The following RBCK1 variants were observed in gnomAD, a reference collection of about 807,000 sequenced individuals.
The protein encoded by RBCK1 is RANBP2-type and C3HC4-type zinc finger containing 1.
In RBCK1, 44 loss-of-function variants were observed where a neutral mutation model predicts 71.1. The observed-to-expected ratio is 0.62, with a 90% CI of 0.49 to 0.80. The LOEUF (loss-of-function observed/expected upper bound fraction) is 0.80, where lower values mean the gene tolerates loss of function less well. Ranked by LOEUF, RBCK1 falls within the 30% of genes least tolerant of loss-of-function variation. The pLI, the probability that RBCK1 is intolerant of heterozygous loss-of-function variation, is 0.00. For missense variants in RBCK1, 569 were observed against 685.0 expected (o/e 0.83, Z 1.89); for synonymous variants, 306 against 279.7 (o/e 1.09, Z -0.94).
At position 422,244 on chromosome 20, in the gene RBCK1, G is replaced by A. The variant is rs759142159; in HGVS notation, c.1029+6G>A. On this transcript the variant is annotated splice_donor_region_variant and intron_variant, in intron 8 of 11. Transcript: ENST00000356286. The surrounding 1 kb of genome is among the most constrained non-coding windows in gnomAD (Gnocchi z 5.0). ...TGGAGAGGGAGATCAAGGCGGTAAG[G>A]CCTCAGGGTGGGAGACATACCCCAA... 1.9e-6 allele frequency: 3 copies of A among 1,612,686 alleles called. No individual in the cohort carries two copies. Among genetic ancestry groups the A allele is most frequent in the Non-Finnish European group, 2.5e-6 (3 of 1,179,304 alleles).
intron 2 of RBCK1, among the ~76,000 whole-genome samples, chr20:416,707 A>G (rs1397728261): frequency 6.6e-6 from 1 of 152,200 alleles, no homozygotes; most frequent in African/African-American, 2.4e-5. Context: ...GTAGATTTAA[A>G]TCCTGCCTCT....
chr20:418,513 C>T lies in RBCK1; in HGVS notation c.460+583C>T, dbSNP rs369361019. ...CCTCCGGAGTAGCTGGGACTACAGG[C>T]GCCCGCCACCACGCCCGGCTAATTT... On this transcript the variant is annotated intron_variant, in intron 4 of 11. Coordinates refer to ENST00000356286, the MANE Select transcript of RBCK1 (RefSeq NM_031229.4). Among the ~76,000 whole-genome samples the T allele has an allele frequency of 6.2e-3, 941 of 152,208 alleles. 10 individuals are homozygous for T. The highest frequency in any genetic ancestry group is 0.019 in the African/African-American group (795 of 41,530).
At chr20:419,947 G>A in intron 6 of RBCK1, 1 of 985,226 alleles carries the variant, frequency 1.0e-6, no homozygotes, top group Non-Finnish European at 1.2e-6. Flanking sequence ...CCGCTCCCTG[G>A]CTGTGGCGCA....
At chr20:411,239 T>G (rs1356897777) in intron 2 of RBCK1, among the ~76,000 whole-genome samples, 2 of 152,128 alleles carry the variant, frequency 1.3e-5, no homozygotes, top group Admixed American at 6.5e-5. Context: ...ACATGGGGTC[T>G]CTTGTCTAGG....
At position 419,599 on chromosome 20, in the gene RBCK1, C is replaced by G; in HGVS notation, c.624C>G (p.Pro208=). The G allele has an allele frequency of 6.2e-7, 1 of 1,601,212 alleles. No homozygotes were observed. The highest frequency in any genetic ancestry group is 8.5e-7 in the Non-Finnish European group (1 of 1,174,662). The change falls in exon 6 of 12, where the codon CCC becomes CCG. Residue 208 remains proline, a synonymous_variant. Transcript: ENST00000356286. The part of the protein sequence containing the change: ...QCPGCTFINK[P]TRPGCEMCCR... ...CCGGGTGCACCTTCATCAACAAGCC[C>G]ACGCGGCCTGGCTGTGAGATGTGCT...
rs138707764 is a variant in RBCK1, at chr20:421,724, G to C, written c.918-403G>C. Among the ~76,000 whole-genome samples the C allele has an allele frequency of 5.4e-4, 82 of 152,232 alleles. No homozygotes were observed. The East Asian group carries it at 0.014, about 27-fold the overall frequency. ...TGGTGGCTGGAGCAGAGGGATGAAG[G>C]GGGTAATCAGAGCAGGATAGAGAGG... On this transcript the variant is annotated intron_variant, in intron 7 of 11. Transcript: ENST00000356286.
At chr20:410,838 G>T in intron 2 of RBCK1, 1 of 339,966 alleles carries the variant, frequency 2.9e-6, no homozygotes, top group South Asian at 6.3e-5. Context: ...TTCTCTTGGT[G>T]GGTCCCATTT....
In RBCK1 at chr20:427,400, A is replaced by T. The variant is rs531364402; in HGVS notation, c.1117A>T (p.Thr373Ser). The T allele has an allele frequency of 1.1e-5, 17 of 1,614,024 alleles. No individual in the cohort carries two copies. The East Asian group carries it at 3.8e-4, about 36-fold the overall frequency. Reference sequence around the variant, plus strand: ...CAGTGCCTTCAGCTACCATTGCAAGACCCCAGATTGCAAGGGATGGTGCTT... The same window carrying T: ...CAGTGCCTTCAGCTACCATTGCAAGTCCCCAGATTGCAAGGGATGGTGCTT... Reference protein sequence around the residue: ...NRSAFSYHCKTPDCKGWCFFE... With the variant: ...NRSAFSYHCKSPDCKGWCFFE... The change falls in exon 9 of 12, where the codon ACC becomes TCC. Residue 373 changes from threonine to serine, a missense_variant. Around this residue, in one of 2 missense-constraint regions of RBCK1, gnomAD observed 211 missense variants for 309.4 expected, o/e 0.68. Transcript: ENST00000356286.
rs767397557 is a variant in RBCK1, at chr20:417,539, G to A, written c.181G>A (p.Val61Met). Residue 61 changes from valine (V) to methionine (M), a missense_variant, in exon 3 of 12, where the codon GTG (valine) becomes ATG (methionine). By Grantham distance (21) the Val-to-Met change is conservative. Transcript: ENST00000356286. This position sits in a 1 kb window ranked among gnomAD's most constrained non-coding sequence, Gnocchi z 4.7. ...TGTTCTCTGCAGGCTGTGGGTGAGC[G>A]TGGAGGATGCTCAGATGCACACCGT... ...PTQDIRLWVS[V>M]EDAQMHTVTI... 5.0e-6 allele frequency: 8 copies of A among 1,613,502 alleles called. No homozygotes were observed. The Admixed American group carries it at 5.0e-5, about 10-fold the overall frequency.
chr20:430,382 C>T lies in RBCK1; in HGVS notation c.1485C>T (p.Cys495=). 6.2e-7 allele frequency: 1 copy of T among 1,613,550 alleles called. No individual in the cohort carries two copies. Among genetic ancestry groups the T allele is most frequent in the Non-Finnish European group, 8.5e-7 (1 of 1,179,474 alleles). ...GAGACACCAGCGGGGGCTGCCGCTGCAGGGTAAATGGGATTCCTTGCCACC... is the reference window on the plus strand; with the variant it reads ...GAGACACCAGCGGGGGCTGCCGCTGTAGGGTAAATGGGATTCCTTGCCACC... ...GPGDTSGGCR[C]RVNGIPCHPS... The change falls in exon 12 of 12, where the codon TGC becomes TGT. Residue 495 remains cysteine, a synonymous_variant. Transcript: ENST00000356286. The surrounding 1 kb of genome is among the most constrained non-coding windows in gnomAD (Gnocchi z 5.6).
intron 2 of RBCK1, among the ~76,000 whole-genome samples, chr20:413,917 CAAAAAAAAA>C: frequency 8.7e-6 from 1 of 114,638 alleles, no homozygotes; most frequent in Non-Finnish European, 1.8e-5. Context: ...GACAAATCAC[CAAAAAAAAA>C]AAAAAAAAAG....
intron 7 of RBCK1, 180 bp from the exon 8 acceptor site, chr20:421,947 C>A: frequency 1.7e-6 from 1 of 575,200 alleles, no homozygotes; most frequent in South Asian, 2.1e-5. Context: ...AGTATGGAGG[C>A]AGGGTGGAGG....
chr20:417,893 G>A lies in RBCK1; in HGVS notation c.423G>A (p.Gln141=). The A allele has an allele frequency of 6.2e-7, 1 of 1,612,204 alleles. No individual in the cohort carries two copies. The change falls in exon 4 of 12, where the codon CAG becomes CAA. Residue 141 remains glutamine, a synonymous_variant. Coordinates refer to ENST00000356286, the MANE Select transcript of RBCK1 (RefSeq NM_031229.4). This position sits in a 1 kb window ranked among gnomAD's most constrained non-coding sequence, Gnocchi z 4.7. ...LSARNTSLNP[Q]ELQRERQLRM... Reference sequence around the variant, plus strand: ...CCCGCAACACCTCCCTCAACCCTCAGGAGCTGCAGCGGGAGCGGCAGCTGC... The same window carrying A: ...CCCGCAACACCTCCCTCAACCCTCAAGAGCTGCAGCGGGAGCGGCAGCTGC...
At chr20:416,147 GCAGT>G (rs1236343491) in intron 2 of RBCK1, among the ~76,000 whole-genome samples, 1 of 150,246 alleles carries the variant, frequency 6.7e-6, no homozygotes, top group Non-Finnish European at 1.5e-5. Flanking sequence ...CAATTAGTCA[GCAGT>G]CACTTTTTTT....
At position 417,284 on chromosome 20, in the gene RBCK1, C is replaced by G. The variant is rs6115906; in HGVS notation, c.168-242C>G. The stretch of plus-strand genomic sequence containing the variant: ...GGAGGTGCCAGATCATGGAGGCCCT[C>G]GTGTGCTGCCACGAGTTGATTCTAA... On this transcript the variant is annotated intron_variant, in intron 2 of 11. Transcript: ENST00000356286. The surrounding 1 kb of genome is among the most constrained non-coding windows in gnomAD (Gnocchi z 4.7). 2.9e-6 allele frequency: 2 copies of G among 690,108 alleles called. No homozygotes were observed. The allele number at this position is 690,108 out of a possible 1,614,324, so 42.7% of individuals were successfully genotyped here. A position where few individuals can be genotyped will look rare whatever the true frequency, so the allele number is the denominator to read the frequency against.
intron 8 of RBCK1, 112 bp from the exon 9 acceptor site, chr20:427,201 G>A (rs1379915198): frequency 5.0e-6 from 5 of 992,462 alleles, no homozygotes; most frequent in Non-Finnish European, 7.4e-6. Context: ...AAAAGAGCCT[G>A]GGGCTGGGTT....
At position 420,858 on chromosome 20, in the gene RBCK1, C is replaced by T. The variant is rs1212831977; in HGVS notation, c.757-13C>T. ...GCCCTGACCCGCCCCGTGGCCCCGC[C>T]CCGTGTGCCCAGCGGAAGCAGCAGC... On this transcript the variant is annotated splice_polypyrimidine_tract_variant and intron_variant, in intron 6 of 11. Transcript: ENST00000356286. The T allele has an allele frequency of 1.9e-6, 3 of 1,547,832 alleles. No homozygotes were observed. The highest frequency in any genetic ancestry group is 2.8e-5 in the African/African-American group (2 of 71,722).
At position 422,119 on chromosome 20, in the gene RBCK1, TCCCC is replaced by T; in HGVS notation, c.918-7_918-4del. 6.2e-7 allele frequency: 1 copy of T among 1,607,430 alleles called. No homozygotes were observed. The highest frequency in any genetic ancestry group is 8.5e-7 in the Non-Finnish European group (1 of 1,176,986). On this transcript the variant is annotated splice_region_variant and splice_polypyrimidine_tract_variant and intron_variant, in intron 7 of 11. Coordinates refer to ENST00000356286, the MANE Select transcript of RBCK1 (RefSeq NM_031229.4). This position sits in a 1 kb window ranked among gnomAD's most constrained non-coding sequence, Gnocchi z 5.0. ...TGATCCTAACTCTTTTCCCCTCCCC[TCCCC>T]TAGGGAGTGCCTGCAGGGCACCATC...
rs970112103 is a variant in RBCK1 at position 431,191 on chromosome 20, G to A, written c.*761G>A. Among the ~76,000 whole-genome samples, 1 of 152,210 alleles carries A rather than the reference G, an allele frequency of 6.6e-6. No homozygotes were observed. Among genetic ancestry groups the A allele is most frequent in the South Asian group, 2.1e-4 (1 of 4,830 alleles). On this transcript the variant is annotated 3_prime_UTR_variant, in exon 12 of 12. Coordinates refer to ENST00000356286, the MANE Select transcript of RBCK1 (RefSeq NM_031229.4). The surrounding 1 kb of genome is among the most constrained non-coding windows in gnomAD (Gnocchi z 4.8). Reference sequence around the variant, plus strand: ...CTTGGGTCACCGTCAGCCAGGACAGGTGGAGTGTGCAGTGTGTCAAGTCTG... The same window carrying A: ...CTTGGGTCACCGTCAGCCAGGACAGATGGAGTGTGCAGTGTGTCAAGTCTG...
Sources: allele counts gnomAD v4.1 joint callset (sites outside exome capture counted in the v4.1 genomes callset), GRCh38; gene constraint gnomAD v4.1.1; regional missense constraint gnomAD v4.1.1; non-coding constraint Gnocchi (gnomAD v3.1); transcripts MANE v1.5; gene names NCBI Gene and HGNC (gene_info 2026-07-23, HGNC 2026-07-21).